MYO3A: variants seen among roughly 807,000 people sequenced by gnomAD.
MYO3A encodes myosin IIIA, also known as myosin-IIIa.
In MYO3A, 180 loss-of-function variants were observed where a neutral mutation model predicts 192.7. The observed-to-expected ratio is 0.93, with a 90% CI of 0.83 to 1.06. The LOEUF (loss-of-function observed/expected upper bound fraction) is 1.06. Ranked by LOEUF, MYO3A falls within the 50% of genes least tolerant of loss-of-function variation. The pLI is 0.00. For synonymous variants in MYO3A, 628 were observed against 645.3 expected (o/e 0.97, Z 0.41); for missense variants, 1,896 against 1,905.0 (o/e 1.00, Z 0.09).
chr10:26,188,220 A>C (rs1439316113), intron 31 of MYO3A, among the ~76,000 whole-genome samples: 1 of 152,010 alleles, frequency 6.6e-6, no homozygotes, highest in African/African-American at 2.4e-5. Context: ...TGTGGTTTTG[A>C]TTTGCATTTC....
intron 11 of MYO3A, among the ~76,000 whole-genome samples, chr10:26,068,553 A>T (rs114995228): frequency 6.6e-6 from 1 of 152,154 alleles, no homozygotes; most frequent in African/African-American, 2.4e-5. Context: ...GCAGGTAACA[A>T]TGACATCCTC....
intron 10 of MYO3A, among the ~76,000 whole-genome samples, chr10:26,060,103 C>CA (rs1400801031): frequency 1.3e-5 from 2 of 151,972 alleles, no homozygotes; most frequent in Non-Finnish European, 2.9e-5. Flanking sequence ...ACTAAAAATA[C>CA]AAAAAATTAG....
At chr10:25,990,273 ATAT>A (rs1233998925) in intron 4 of MYO3A, among the ~76,000 whole-genome samples, 2 of 152,036 alleles carry the variant, frequency 1.3e-5, no homozygotes, top group Non-Finnish European at 2.9e-5. Flanking sequence ...ATTTTCTAAG[ATAT>A]TATTTGTAAT....
chr10:26,158,419 A>T (rs933840074), intron 26 of MYO3A, among the ~76,000 whole-genome samples: 6 of 151,042 alleles, frequency 4.0e-5, no homozygotes, highest in Non-Finnish European at 7.4e-5. Flanking sequence ...TGCCCAGCTA[A>T]TTTTTTTTGT....
intron 10 of MYO3A, among the ~76,000 whole-genome samples, chr10:26,037,890 C>A (rs939501975): frequency 6.6e-6 from 1 of 152,170 alleles, no homozygotes. Context: ...AAGTCCACCC[C>A]CATGATTCAG....
chr10:26,023,836 C>G (rs1475808532), intron 8 of MYO3A, among the ~76,000 whole-genome samples, 186 bp from the exon 9 acceptor site: 1 of 152,094 alleles, frequency 6.6e-6, no homozygotes, highest in Non-Finnish European at 1.5e-5. Flanking sequence ...TACAGAGAAA[C>G]AAAGACCGTG....
In MYO3A at chr10:26,202,751, TA is replaced by T; in HGVS notation, c.4587-211del. 4 of 502,886 alleles carry T rather than the reference TA, an allele frequency of 8.0e-6. No homozygotes were observed. The South Asian group carries it at 8.6e-5, about 11-fold the overall frequency. 31.2% of individuals were successfully genotyped at this position (502,886 alleles called of 1,614,324 possible). A position where few individuals can be genotyped will look rare whatever the true frequency, so the allele number is the denominator to read the frequency against. ...AACCAGGAAAATGTGTTCCCACAGCTAATGTTCTGTTCAAGGTAAGATATGA... is the reference window on the plus strand; with the variant it reads ...AACCAGGAAAATGTGTTCCCACAGCTATGTTCTGTTCAAGGTAAGATATGA... On this transcript the variant is annotated intron_variant, in intron 33 of 34. Coordinates refer to ENST00000642920, the MANE Select transcript of MYO3A (RefSeq NM_017433.5).
chr10:26,019,874 T>C (rs1421977294), intron 7 of MYO3A, among the ~76,000 whole-genome samples: 1 of 152,256 alleles, frequency 6.6e-6, no homozygotes, highest in Non-Finnish European at 1.5e-5. Context: ...GAATTTTTAA[T>C]GTAAAACTTA....
At chr10:26,036,111 A>AT (rs907441703) in intron 10 of MYO3A, among the ~76,000 whole-genome samples, 80 of 149,608 alleles carry the variant, frequency 5.3e-4, no homozygotes, top group African/African-American at 1.3e-3. Context: ...TTTTTTTTGT[A>AT]TTTTTTTTTA....
intron 20 of MYO3A, among the ~76,000 whole-genome samples, chr10:26,141,827 A>G (rs1840184213): frequency 6.6e-6 from 1 of 152,098 alleles, no homozygotes; most frequent in South Asian, 2.1e-4. Context: ...TCTCATTTTT[A>G]TGCATTAGAT....
chr10:26,021,695 C>A, intron 8 of MYO3A, 47 bp downstream of exon 8: 1 of 1,604,888 alleles, frequency 6.2e-7, no homozygotes, highest in Non-Finnish European at 8.5e-7. Context: ...CGATTTACTT[C>A]CTCCAGCCAC....
chr10:26,110,137 T>TC (rs1008592449), intron 17 of MYO3A, among the ~76,000 whole-genome samples: 4 of 152,194 alleles, frequency 2.6e-5, no homozygotes, highest in African/African-American at 7.2e-5. Context: ...AAGTAGAGAC[T>TC]CCAACTTGAC....
At chr10:26,037,829 G>A (rs1009587138) in intron 10 of MYO3A, among the ~76,000 whole-genome samples, 3 of 152,122 alleles carry the variant, frequency 2.0e-5, no homozygotes, top group Non-Finnish European at 4.4e-5. Flanking sequence ...AGTCAAGGGG[G>A]AAATTCTACA....
chr10:26,036,796 C>T (rs548253958), intron 10 of MYO3A, among the ~76,000 whole-genome samples: 15 of 152,330 alleles, frequency 9.8e-5, no homozygotes, highest in Admixed American at 5.2e-4. Flanking sequence ...ATCTTGATTC[C>T]TCTCCATTTT....
chr10:26,006,242 G>A lies in MYO3A; in HGVS notation c.508+8984G>A, dbSNP rs376700224. 5.9e-5 allele frequency among the ~76,000 whole-genome samples: 9 copies of A among 151,928 alleles called. No individual in the cohort carries two copies. In the East Asian group the frequency reaches 1.7e-3, roughly 29 times the overall value. ...GACACATTCAAAGCAGTGTGTAGAG[G>A]GAAATTTATAGCACTAAATGCCCAC... On this transcript the variant is annotated intron_variant, in intron 6 of 34. Transcript: ENST00000642920.
intron 17 of MYO3A, among the ~76,000 whole-genome samples, chr10:26,098,336 T>C (rs373741569): frequency 3.3e-5 from 5 of 152,318 alleles, no homozygotes; most frequent in Non-Finnish European, 7.4e-5. Context: ...GGGTAGATTG[T>C]AAAAATTTTC....
chr10:26,011,032 A>T (rs1257650094), intron 6 of MYO3A, among the ~76,000 whole-genome samples: 1 of 146,344 alleles, frequency 6.8e-6, no homozygotes, highest in African/African-American at 2.7e-5. Flanking sequence ...TGTTTTTGAG[A>T]CAGCATCTCA....
intron 17 of MYO3A, among the ~76,000 whole-genome samples, chr10:26,104,516 A>G (rs540357078): frequency 3.3e-5 from 5 of 152,254 alleles, no homozygotes; most frequent in Admixed American, 1.3e-4. Context: ...TGGACTCTCA[A>G]TTCTATCTCA....
chr10:25,994,414 CAT>C (rs1588724653), intron 4 of MYO3A, among the ~76,000 whole-genome samples: 1 of 152,238 alleles, frequency 6.6e-6, no homozygotes, highest in East Asian at 1.9e-4. Flanking sequence ...CGTCTCTGCA[CAT>C]GAGATGGGTC....
Sources: allele counts gnomAD v4.1 joint callset (sites outside exome capture counted in the v4.1 genomes callset), GRCh38; gene constraint gnomAD v4.1.1; transcripts MANE v1.5; gene names NCBI Gene and HGNC (gene_info 2026-07-23, HGNC 2026-07-21).